The following DNAH8 variants were observed in gnomAD, a reference collection of about 807,000 sequenced individuals.
DNAH8 encodes the protein dynein axonemal heavy chain 8.
DNAH8 carries 382 observed loss-of-function variants against 562.1 expected under a neutral mutation model. That is an observed-to-expected ratio of 0.68 (90% CI 0.63 to 0.74). The LOEUF (loss-of-function observed/expected upper bound fraction) is 0.74. DNAH8 is among the 30% of genes least tolerant of loss of function. The pLI, the probability that DNAH8 is intolerant of heterozygous loss-of-function variation, is 0.00. For synonymous variants in DNAH8, 1,881 were observed against 1,919.4 expected, an observed-to-expected ratio of 0.98 and a Z score of 0.52; for missense variants, 5,203 against 5,620.4, an observed-to-expected ratio of 0.93 and a Z score of 2.37.
chr6:38,760,699 G>C (rs1253267605), intron 10 of DNAH8, among the ~76,000 whole-genome samples: 1 of 152,042 alleles, frequency 6.6e-6, no homozygotes, highest in Non-Finnish European at 1.5e-5. Flanking sequence ...TGAATGGTTT[G>C]GTGCCCTCCT....
rs1405518116 is a variant in DNAH8 at position 38,896,198 on chromosome 6, G to T, written c.8913G>T (p.Val2971=). The change falls in exon 60 of 93, where the codon GTG becomes GTT. Residue 2971 remains valine, a synonymous_variant. Transcript: ENST00000327475. ...EPTGDEPEDS[V]FEVPKIYELM... ...CTGGTGATGAACCTGAAGACTCTGT[G>T]TTTGAAGTACCCAAAATATATGAAT... The T allele has an allele frequency of 6.2e-7, 1 of 1,613,784 alleles. No individual in the cohort carries two copies. The highest frequency in any genetic ancestry group is 1.1e-5 in the South Asian group (1 of 90,990).
rs1174005025 is a variant in DNAH8 at position 38,923,193 on chromosome 6, T to C, written c.10790+8T>C. 6.2e-7 allele frequency: 1 copy of C among 1,612,064 alleles called. No individual in the cohort carries two copies. The highest frequency in any genetic ancestry group is 8.5e-7 in the Non-Finnish European group (1 of 1,179,360). ...CAAAGCTCAGATTAATAGGTGGGAA[T>C]CTGGGTCTTCTTCATAATCACTCTT... On this transcript the variant is annotated splice_region_variant and intron_variant, in intron 72 of 92. Transcript: ENST00000327475.
At chr6:38,948,846 G>A (rs1053865120) in intron 80 of DNAH8, among the ~76,000 whole-genome samples, 6 of 152,102 alleles carry the variant, frequency 3.9e-5, no homozygotes, top group African/African-American at 1.2e-4. Flanking sequence ...GACTCCTTTC[G>A]TTATTAGGCT....
At chr6:38,892,164 G>A (rs999112521) in intron 58 of DNAH8, among the ~76,000 whole-genome samples, 9 of 151,848 alleles carry the variant, frequency 5.9e-5, no homozygotes, top group African/African-American at 1.9e-4. Flanking sequence ...AATGCACCTG[G>A]TCTCGATGCC....
At chr6:38,926,913 A>G (rs1782168374) in intron 74 of DNAH8, among the ~76,000 whole-genome samples, 1 of 152,162 alleles carries the variant, frequency 6.6e-6, no homozygotes. Flanking sequence ...AGCTCAATAT[A>G]ACCTGTCCTG....
intron 52 of DNAH8, 39 bp from the exon 53 acceptor site, chr6:38,875,552 T>C: frequency 8.0e-7 from 1 of 1,254,874 alleles, no homozygotes; most frequent in Non-Finnish European, 1.1e-6. Flanking sequence ...ATTTTCAAAA[T>C]TTTAATTTAA....
At chr6:38,763,087 C>T in intron 11 of DNAH8, 1 of 351,288 alleles carries the variant, frequency 2.8e-6, no homozygotes, top group African/African-American at 2.2e-5. Context: ...AGCCAGTGAA[C>T]CAATAAAAGA....
rs138756122 is a variant in DNAH8, at chr6:38,923,770, A to G, written c.10791-221A>G. Among the ~76,000 whole-genome samples the G allele has an allele frequency of 2.9e-3, 449 of 152,220 alleles. 2 individuals carry two copies. The highest frequency in any genetic ancestry group is 0.01 in the African/African-American group (430 of 41,544). On this transcript the variant is annotated intron_variant, in intron 72 of 92. Coordinates refer to ENST00000327475, the MANE Select transcript of DNAH8 (RefSeq NM_001206927.2). ...TCACGACCTGTAGGCTTCAGGAGGA[A>G]GCCTTCTTTCTTGCTTCCTGACCAC...
chr6:38,947,385 C>G (rs1018528700), intron 80 of DNAH8, among the ~76,000 whole-genome samples: 54 of 152,160 alleles, frequency 3.5e-4, no homozygotes, highest in Non-Finnish European at 7.3e-5. Flanking sequence ...GAGCAGCTGC[C>G]CTGACCTTGG....
At chr6:38,776,020 TG>T in intron 13 of DNAH8, 69 bp downstream of exon 13, 1 of 959,260 alleles carries the variant, frequency 1.0e-6, no homozygotes, top group South Asian at 1.5e-5. Context: ...TGGTACTTTT[TG>T]TAAATATTCA....
chr6:38,928,377 A>G (rs1782276927), intron 74 of DNAH8, among the ~76,000 whole-genome samples: 1 of 152,200 alleles, frequency 6.6e-6, no homozygotes, highest in African/African-American at 2.4e-5. Context: ...GATATAAGCA[A>G]ATTTAGTCTT....
Position 38,862,269 on chromosome 6 carries a change from A to G in DNAH8, c.6132-11A>G. 1.2e-6 allele frequency: 2 copies of G among 1,607,706 alleles called. No individual in the cohort carries two copies. The highest frequency in any genetic ancestry group is 1.7e-6 in the Non-Finnish European group (2 of 1,177,204). ...CATACTCACAATGCTTTATTGGATG[A>G]ACATTTGCAGATGCTATATCACGTT... On this transcript the variant is annotated splice_polypyrimidine_tract_variant and intron_variant, in intron 43 of 92. Transcript: ENST00000327475.
At chr6:38,873,524 C>A in intron 52 of DNAH8, 148 bp downstream of exon 52, 1 of 690,678 alleles carries the variant, frequency 1.4e-6, no homozygotes, top group Non-Finnish European at 2.3e-6. Context: ...ATTTTGATTT[C>A]TATTAAAGAT....
At chr6:39,010,140 C>G (rs1267574369) in intron 89 of DNAH8, among the ~76,000 whole-genome samples, 3 of 28,982 alleles carry the variant, frequency 1.0e-4, no homozygotes, top group Non-Finnish European at 1.8e-4. Context: ...GGTGATTATT[C>G]CAGCAGAAAC....
At chr6:38,817,783 G>A in intron 26 of DNAH8, among the ~76,000 whole-genome samples, 1 of 152,106 alleles carries the variant, frequency 6.6e-6, no homozygotes, top group East Asian at 1.9e-4. Flanking sequence ...AAGAGCTAGG[G>A]AAAAAGCATG....
chr6:38,957,647 G>T (rs891023494), intron 82 of DNAH8, among the ~76,000 whole-genome samples: 1 of 151,722 alleles, frequency 6.6e-6, no homozygotes, highest in Non-Finnish European at 1.5e-5. Flanking sequence ...GACCACAATG[G>T]AATGAAACTA....
At chr6:38,718,456 A>G (rs1378213966) in intron 1 of DNAH8, among the ~76,000 whole-genome samples, 1 of 152,198 alleles carries the variant, frequency 6.6e-6, no homozygotes, top group Non-Finnish European at 1.5e-5. Context: ...TTGACACTCA[A>G]AAACCATGTA....
chr6:38,750,076 C>T (rs1476500258), intron 8 of DNAH8, among the ~76,000 whole-genome samples: 1 of 152,200 alleles, frequency 6.6e-6, no homozygotes, highest in Non-Finnish European at 1.5e-5. Context: ...TTGTGATCCG[C>T]CCACCTTGGC....
At chr6:38,915,167 CTA>C (rs1781210847) in intron 67 of DNAH8, 32 bp from the exon 68 acceptor site, 1 of 1,558,700 alleles carries the variant, frequency 6.4e-7, no homozygotes, top group African/African-American at 1.4e-5. Flanking sequence ...TGAAAGGTTT[CTA>C]TTGGCTTTCA....
Sources: allele counts gnomAD v4.1 joint callset (sites outside exome capture counted in the v4.1 genomes callset), GRCh38; gene constraint gnomAD v4.1.1; transcripts MANE v1.5; gene names NCBI Gene and HGNC (gene_info 2026-07-23, HGNC 2026-07-21).